The following AVEN variants were observed in gnomAD, a reference collection of about 807,000 sequenced individuals.
AVEN encodes the protein cell death regulator Aven.
AVEN carries 41 observed loss-of-function variants against 38.1 expected under a neutral mutation model. The observed-to-expected ratio is 1.08, with a 90% CI of 0.84 to 1.40. The LOEUF (loss-of-function observed/expected upper bound fraction) is 1.40. AVEN is among the 40% of genes most tolerant of loss of function. The pLI, the probability that AVEN is intolerant of heterozygous loss-of-function variation, is 0.00. For synonymous variants in AVEN, 206 were observed against 171.8 expected, an observed-to-expected ratio of 1.20 and a Z score of -1.56; for missense variants, 605 against 438.8, an observed-to-expected ratio of 1.38 and a Z score of -3.38.
intron 2 of AVEN, among the ~76,000 whole-genome samples, chr15:33,901,203 C>T (rs989855151): frequency 2.0e-5 from 3 of 152,122 alleles, no homozygotes; most frequent in African/African-American, 7.2e-5. Flanking sequence ...GGAGGCGGAG[C>T]TTGCAGTGAG....
At chr15:33,987,785 G>C (rs1052211206) in intron 2 of AVEN, among the ~76,000 whole-genome samples, 1 of 152,190 alleles carries the variant, frequency 6.6e-6, no homozygotes, top group African/African-American at 2.4e-5. Flanking sequence ...AGCATGCCTA[G>C]AAGATTCATA....
At chr15:33,885,037 A>C (rs1891648071) in intron 2 of AVEN, among the ~76,000 whole-genome samples, 1 of 152,106 alleles carries the variant, frequency 6.6e-6, no homozygotes, top group South Asian at 2.1e-4. Flanking sequence ...TTTAAGCTCC[A>C]TTTTCCTGGC....
At chr15:33,854,692 A>G (rs1948529728), downstream of AVEN, 1 of 1,528,354 alleles carries the variant, frequency 6.5e-7, no homozygotes. Context: ...GTCTCCCAAA[A>G]TAAGAAAAAA....
chr15:34,026,746 A>G (rs1376794596), intron 1 of AVEN, among the ~76,000 whole-genome samples: 1 of 152,184 alleles, frequency 6.6e-6, no homozygotes, highest in African/African-American at 2.4e-5. Context: ...TGATATGGAT[A>G]TGTGATCAAT....
intron 1 of AVEN, 84 bp downstream of exon 1, chr15:34,038,696 T>C (rs970143288): frequency 4.8e-5 from 52 of 1,086,574 alleles, no homozygotes; most frequent in South Asian, 9.0e-5. Flanking sequence ...CCTGGCACGC[T>C]CTCTTGCGGC....
chr15:33,885,674 C>T (rs1891671529), intron 2 of AVEN: 1 of 152,176 alleles, frequency 6.6e-6, no homozygotes, highest in Admixed American at 6.5e-5. Context: ...CTGAGCACTA[C>T]ATAATAGGTT....
At chr15:33,858,804 C>T (rs979876076) in exon 12 of AVEN, 3 of 152,352 alleles carry the variant, frequency 2.0e-5, no homozygotes, top group South Asian at 2.1e-4. Flanking sequence ...GAAAAAGAAT[C>T]TGTGTCTCAG....
chr15:33,933,221 G>A (rs1302187954), intron 2 of AVEN, among the ~76,000 whole-genome samples: 2 of 152,078 alleles, frequency 1.3e-5, no homozygotes, highest in East Asian at 1.9e-4. Context: ...ACTCTGTGTC[G>A]TTAGATAAGA....
intron 2 of AVEN, among the ~76,000 whole-genome samples, chr15:33,881,879 G>C (rs567056319): frequency 6.6e-6 from 1 of 152,284 alleles, no homozygotes; most frequent in South Asian, 2.1e-4. Context: ...TGACTAAAAG[G>C]TATAGAAGAA....
intron 3 of AVEN, among the ~76,000 whole-genome samples, chr15:33,875,642 G>C (rs1305822788): frequency 6.6e-6 from 1 of 152,164 alleles, no homozygotes; most frequent in Non-Finnish European, 1.5e-5. Flanking sequence ...AAATGGCAAA[G>C]TAATCCACTC....
downstream of AVEN, chr15:33,865,067 A>ACAAACTGGGTTTTAGCTTT: frequency 7.5e-7 from 1 of 1,338,438 alleles, no homozygotes; most frequent in South Asian, 1.2e-5. Context: ...AAGAACAAAA[A>ACAAACTGGGTTTTAGCTTT]CAAACTGGGT....
intron 5 of AVEN, among the ~76,000 whole-genome samples, chr15:34,051,874 A>G (rs1026604453): frequency 6.6e-6 from 1 of 152,032 alleles, no homozygotes; most frequent in Non-Finnish European, 1.5e-5. Context: ...AAAAGAAAAA[A>G]AAAACCCAGG....
In AVEN at chr15:34,063,853, A is replaced by G. The variant is rs143611760; in HGVS notation, n.1127-421T>C. ...CCCAAGAGTCAGAAATGTGTGGCCT[A>G]TAAGTTCCGATTGGTGGTAAAAGCT... On this transcript the variant is annotated intron_variant and non_coding_transcript_variant, in intron 4 of 11. Coordinates refer to the AVEN transcript ENST00000675287. This position sits in a 1 kb window ranked among gnomAD's most constrained non-coding sequence, Gnocchi z 4.1. The G allele has an allele frequency of 9.3e-6, 15 of 1,614,064 alleles. No individual in the cohort carries two copies. The highest frequency in any genetic ancestry group is 1.2e-5 in the Non-Finnish European group (14 of 1,180,046).
chr15:33,864,659 G>A (rs1186929432), downstream of AVEN: 3 of 177,434 alleles, frequency 1.7e-5, no homozygotes, highest in African/African-American at 4.8e-5. Flanking sequence ...AAATGGAAAG[G>A]TAGAGAACAA....
downstream of AVEN, among the ~76,000 whole-genome samples, chr15:33,855,396 G>A (rs1042779532): frequency 3.9e-5 from 6 of 152,184 alleles, no homozygotes; most frequent in Non-Finnish European, 8.8e-5. Context: ...TAGAGACGGG[G>A]TTTCACCATG....
At chr15:33,861,215 T>G in intron 11 of AVEN, 10 of 1,472,746 alleles carry the variant, frequency 6.8e-6, no homozygotes, top group Non-Finnish European at 8.4e-6. Flanking sequence ...ATGGCAGCTG[T>G]AGCGTAAATA....
intron 2 of AVEN, among the ~76,000 whole-genome samples, chr15:33,910,816 C>T (rs537779214): frequency 2.1e-4 from 32 of 152,298 alleles, no homozygotes; most frequent in Non-Finnish European, 3.1e-4. Flanking sequence ...CAGCTCCCAA[C>T]GGAGAGTTAA....
intron 2 of AVEN, among the ~76,000 whole-genome samples, chr15:33,902,952 C>G (rs1333666725): frequency 6.6e-6 from 1 of 152,186 alleles, no homozygotes; most frequent in Non-Finnish European, 1.5e-5. Flanking sequence ...ACTGCTAAAG[C>G]AAATGCCATC....
chr15:34,065,113 A>C (rs1428175381), intron 4 of AVEN: 1 of 164,542 alleles, frequency 6.1e-6, no homozygotes. Flanking sequence ...AGTTTTTGCC[A>C]GTGGAAATTT....
Sources: gnomAD v4.1 joint callset for allele counts (sites outside exome capture counted in the v4.1 genomes callset) on GRCh38, gnomAD v4.1.1 for gene constraint, Gnocchi (gnomAD v3.1) non-coding constraint, MANE v1.5 for transcripts, NCBI Gene and HGNC (gene_info 2026-07-23, HGNC 2026-07-21) for gene names.